PSD2: variants seen among roughly 807,000 people sequenced by gnomAD.
PSD2 encodes the protein pleckstrin and Sec7 domain containing 2.
A neutral mutation model predicts 69.8 loss-of-function variants in PSD2; 38 were observed. The ratio of observed to expected loss-of-function variants is 0.54; its 90% CI spans 0.42 to 0.71. PSD2 has a LOEUF of 0.71. PSD2 is among the 30% of genes least tolerant of loss of function. PSD2 has a pLI of 0.00. For missense variants in PSD2, 943 were observed against 1,014.5 expected, an observed-to-expected ratio of 0.93 and a Z score of 0.96; for synonymous variants, 412 against 423.0, an observed-to-expected ratio of 0.97 and a Z score of 0.32.
the PSD2 span, among the ~76,000 whole-genome samples, chr5:139,747,376 G>GTTA: frequency 6.6e-6 from 1 of 152,272 alleles, no homozygotes; most frequent in South Asian, 2.1e-4. This position sits in a 1 kb window ranked among gnomAD's most constrained non-coding sequence, Gnocchi z 6.7. Context: ...CCCCCCAGCT[G>GTTA]TTAACCTTCA....
At chr5:139,838,486 G>A in intron 12 of PSD2, 142 bp from the exon 13 acceptor site, 2 of 875,952 alleles carry the variant, frequency 2.3e-6, no homozygotes, top group Non-Finnish European at 3.5e-6. Flanking sequence ...GCCCCCATGT[G>A]TCCTCCCTCT....
In PSD2 at chr5:139,843,127, T is replaced by A. The variant is rs1288945242; in HGVS notation, c.*653T>A. 6.5e-6 allele frequency: 1 copy of A among 152,724 alleles called. No homozygotes were observed. Among genetic ancestry groups the A allele is most frequent in the East Asian group, 1.9e-4 (1 of 5,204 alleles). 9.5% of individuals were successfully genotyped at this position (152,724 alleles called of 1,614,324 possible). A position where few individuals can be genotyped will look rare whatever the true frequency, so the allele number is the denominator to read the frequency against. ...AGACACAAATATACATCTATAAGAATAATATATACATAAGGAACCCCTGAA... is the reference window on the plus strand; with the variant it reads ...AGACACAAATATACATCTATAAGAAAAATATATACATAAGGAACCCCTGAA... On this transcript the variant is annotated 3_prime_UTR_variant, in exon 15 of 15. Transcript: ENST00000274710.
At chr5:139,743,582 G>A in the PSD2 span, 1 of 153,266 alleles carries the variant, frequency 6.5e-6, no homozygotes. Flanking sequence ...ACCTGTCTGT[G>A]TGATCACATG....
chr5:139,770,975 C>T, the PSD2 span, among the ~76,000 whole-genome samples: 1 of 152,210 alleles, frequency 6.6e-6, no homozygotes, highest in Non-Finnish European at 1.5e-5. Flanking sequence ...TAGTAAAATT[C>T]ATGCTAGTCA....
Position 139,822,708 on chromosome 5 carries a change from C to A in PSD2, c.1211-18C>A. ...AGGTTGGATCCTCGCACTGAGAGTG[C>A]CACCATCTCTGACTCAGATGGGATC... On this transcript the variant is annotated intron_variant, in intron 6 of 14. Coordinates refer to ENST00000274710, the MANE Select transcript of PSD2 (RefSeq NM_032289.4). The A allele has an allele frequency of 6.2e-7, 1 of 1,604,068 alleles. No individual in the cohort carries two copies. Among genetic ancestry groups the A allele is most frequent in the Non-Finnish European group, 8.5e-7 (1 of 1,174,180 alleles).
intron 1 of PSD2, among the ~76,000 whole-genome samples, chr5:139,807,592 A>T (rs560206864): frequency 5.3e-5 from 8 of 151,980 alleles, no homozygotes; most frequent in Admixed American, 5.2e-4. Context: ...CTTTTTTTTT[A>T]AAGTAAAAGT....
rs199554619 is a variant in PSD2 at position 139,840,078 on chromosome 5, C to G, written c.2020C>G (p.Leu674Val). 7.0e-5 allele frequency: 113 copies of G among 1,614,098 alleles called. 1 individual carries two copies. Among genetic ancestry groups the G allele is most frequent in the Admixed American group, 3.3e-5 (2 of 60,014 alleles). ...ENKLRQLTAE[L>V]AEHRCHPVER... Reference sequence around the variant, plus strand: ...TAAGTTGAGGCAGCTGACTGCGGAGCTGGCCGAACACAGGTGTCACCCAGT... The same window carrying G: ...TAAGTTGAGGCAGCTGACTGCGGAGGTGGCCGAACACAGGTGTCACCCAGT... The change falls in exon 14 of 15, where the codon CTG (leucine) becomes GTG (valine). Residue 674 changes from leucine (L) to valine (V), a missense_variant. This residue lies in a region of PSD2 where 165 missense variants were observed against 168.8 expected (regional missense o/e 0.98). Coordinates refer to ENST00000274710, the MANE Select transcript of PSD2 (RefSeq NM_032289.4).
At chr5:139,772,111 C>T in the PSD2 span, among the ~76,000 whole-genome samples, 11 of 152,254 alleles carry the variant, frequency 7.2e-5, no homozygotes, top group East Asian at 1.9e-4. Flanking sequence ...GTGCGAGGCC[C>T]TCTCCCTAGA....
intron 8 of PSD2, 151 bp from the exon 9 acceptor site, chr5:139,835,572 T>C (rs1422092717): frequency 2.6e-6 from 2 of 759,880 alleles, no homozygotes; most frequent in African/African-American, 3.4e-5. Context: ...CCCACTCACT[T>C]ACCCATCCAG....
chr5:139,765,156 C>T, the PSD2 span, among the ~76,000 whole-genome samples: 1 of 152,122 alleles, frequency 6.6e-6, no homozygotes, highest in Admixed American at 6.5e-5. Flanking sequence ...CCTCCCACCC[C>T]TGGTTCCCAC....
At chr5:139,838,511 C>T (rs1760793362) in intron 12 of PSD2, 117 bp from the exon 13 acceptor site, 1 of 1,120,754 alleles carries the variant, frequency 8.9e-7, no homozygotes, top group Non-Finnish European at 1.3e-6. Context: ...TTTATCCACC[C>T]ATCTAGAGGT....
chr5:139,773,482 A>G, the PSD2 span, among the ~76,000 whole-genome samples: 1 of 151,682 alleles, frequency 6.6e-6, no homozygotes, highest in Admixed American at 6.6e-5. Context: ...GCTGGTCTTG[A>G]ACTCCTGACC....
At chr5:139,788,520 G>C in the PSD2 span, among the ~76,000 whole-genome samples, 3 of 151,772 alleles carry the variant, frequency 2.0e-5, no homozygotes, top group Admixed American at 1.3e-4. Context: ...GTAGAGACTG[G>C]GGGGGGCACA....
At chr5:139,791,251 G>A (rs1051367107), upstream of PSD2, among the ~76,000 whole-genome samples, 6 of 152,010 alleles carry the variant, frequency 3.9e-5, no homozygotes, top group Admixed American at 1.3e-4. Flanking sequence ...GCAACATGGC[G>A]AAACTCCATC....
the PSD2 span, among the ~76,000 whole-genome samples, chr5:139,746,018 T>G: frequency 6.6e-6 from 1 of 152,110 alleles, no homozygotes; most frequent in Non-Finnish European, 1.5e-5. This position sits in a 1 kb window ranked among gnomAD's most constrained non-coding sequence, Gnocchi z 4.5. Context: ...CACGTCTAGG[T>G]ATCAGGGGTG....
chr5:139,759,391 T>C, the PSD2 span, among the ~76,000 whole-genome samples: 4 of 151,970 alleles, frequency 2.6e-5, no homozygotes, highest in Non-Finnish European at 5.9e-5. Context: ...GCCCACCCCA[T>C]GGGCGGATGC....
chr5:139,842,798 TTTCTCTTCTC>T lies in PSD2; in HGVS notation c.*325_*334del. ...GGAAGGGCTGTTGTCTTCCCAGGTC[TTTCTCTTCTC>T]ATCAAGCTCCTCTCCTCATCTTTTT... is the stretch of plus-strand genomic sequence containing the variant. On this transcript the variant is annotated 3_prime_UTR_variant, in exon 15 of 15. Coordinates refer to ENST00000274710, the MANE Select transcript of PSD2 (RefSeq NM_032289.4). 3.8e-6 allele frequency: 1 copy of T among 260,506 alleles called. No homozygotes were observed. The highest frequency in any genetic ancestry group is 7.4e-6 in the Non-Finnish European group (1 of 135,724). The allele number at this position is 260,506 out of a possible 1,614,324, so 16.1% of individuals were successfully genotyped here.
chr5:139,778,359 T>C, the PSD2 span, among the ~76,000 whole-genome samples: 2 of 152,194 alleles, frequency 1.3e-5, no homozygotes, highest in African/African-American at 4.8e-5. Context: ...TGTCATGGGA[T>C]GGGGTCTCTA....
Position 139,813,568 on chromosome 5 carries a change from G to A in PSD2, c.631G>A (p.Ala211Thr). 6.2e-7 allele frequency: 1 copy of A among 1,612,432 alleles called. No individual in the cohort carries two copies. The highest frequency in any genetic ancestry group is 8.5e-7 in the Non-Finnish European group (1 of 1,178,640). The change falls in exon 3 of 15, where the codon GCA (alanine) becomes ACA (threonine). Residue 211 changes from alanine (A) to threonine (T), a missense_variant. Around this residue, in one of 3 missense-constraint regions of PSD2, gnomAD observed 466 missense variants for 445.0 expected, o/e 1.05. Coordinates refer to ENST00000274710, the MANE Select transcript of PSD2 (RefSeq NM_032289.4). ...CATGGCGTTTGAGGGGGACATGGGGGCAGCTGGTGGTGATGGGGAGCTGGG... is the reference window on the plus strand; with the variant it reads ...CATGGCGTTTGAGGGGGACATGGGGACAGCTGGTGGTGATGGGGAGCTGGG... ...GDMAFEGDMG[A>T]AGGDGELGSP...
Sources: gnomAD v4.1 joint callset for allele counts (sites outside exome capture counted in the v4.1 genomes callset) on GRCh38, gnomAD v4.1.1 for gene constraint, gnomAD v4.1.1 regional missense constraint, Gnocchi (gnomAD v3.1) non-coding constraint, MANE v1.5 for transcripts, NCBI Gene and HGNC (gene_info 2026-07-23, HGNC 2026-07-21) for gene names.